The following RDX variants were observed in gnomAD, a reference collection of about 807,000 sequenced individuals.
The protein encoded by RDX is radixin, also known as deafness, autosomal recessive 24.
RDX carries 32 observed loss-of-function variants against 83.7 expected under a neutral mutation model. The ratio of observed to expected loss-of-function variants is 0.38; its 90% confidence interval spans 0.29 to 0.51. The LOEUF (loss-of-function observed/expected upper bound fraction) is 0.51, where lower values mean the gene tolerates loss of function less well. Among genes scored for constraint, RDX ranks in the 20% least tolerant of loss-of-function variants. The pLI, the probability that RDX is intolerant of heterozygous loss-of-function variation, is 0.87. For missense variants in RDX, 600 were observed against 689.9 expected (o/e 0.87, Z 1.46); for synonymous variants, 229 against 222.7 (o/e 1.03, Z -0.25).
chr11:110,203,793 A>C (rs1401492592), intron 14 of RDX, among the ~76,000 whole-genome samples: 2 of 152,164 alleles, frequency 1.3e-5, no homozygotes, highest in African/African-American at 2.4e-5. Flanking sequence ...GCGTTTAATA[A>C]ATTTAAAACC....
At chr11:110,259,728 A>C (rs945904841) in intron 5 of RDX, among the ~76,000 whole-genome samples, 1 of 152,196 alleles carries the variant, frequency 6.6e-6, no homozygotes, top group Non-Finnish European at 1.5e-5. Flanking sequence ...TCAGCCTTGG[A>C]GACATAACCC....
intron 10 of RDX, among the ~76,000 whole-genome samples, chr11:110,242,631 A>G (rs770905960): frequency 9.9e-5 from 15 of 152,178 alleles, no homozygotes; most frequent in Non-Finnish European, 2.1e-4. Flanking sequence ...TTGAAAAATG[A>G]CAGATAAGGC....
chr11:110,288,913 G>C (rs750156235), intron 1 of RDX, among the ~76,000 whole-genome samples: 4 of 152,100 alleles, frequency 2.6e-5, no homozygotes, highest in Non-Finnish European at 4.4e-5. Context: ...TCACTAAGAA[G>C]AGAGAACCAA....
chr11:110,235,415 T>C (rs1376398028), intron 12 of RDX, among the ~76,000 whole-genome samples: 2 of 152,182 alleles, frequency 1.3e-5, no homozygotes, highest in Non-Finnish European at 2.9e-5. Flanking sequence ...AAATGTCTCT[T>C]ATATCTTCCC....
intron 14 of RDX, among the ~76,000 whole-genome samples, chr11:110,218,477 A>G (rs1412311667): frequency 1.3e-5 from 2 of 152,138 alleles, no homozygotes; most frequent in East Asian, 1.9e-4. Flanking sequence ...AAGGTCCTAT[A>G]CTAAACCCAC....
chr11:110,281,835 G>C lies in RDX; in HGVS notation c.-64-2079C>G, dbSNP rs981422616. ...TTAAAACAGCCTCCAGGCCAGGCGC[G>C]ATAGCTCACGTGTGTAATTCCAGCA... On this transcript the variant is annotated intron_variant, in intron 1 of 13. Transcript: ENST00000645495. 2.7e-5 allele frequency among the ~76,000 whole-genome samples: 4 copies of C among 150,354 alleles called. No homozygotes were observed. The East Asian group carries it at 8.0e-4, about 30-fold the overall frequency.
chr11:110,273,296 C>T (rs1860375523), intron 2 of RDX, among the ~76,000 whole-genome samples: 1 of 152,186 alleles, frequency 6.6e-6, no homozygotes, highest in African/African-American at 2.4e-5. Context: ...ATTCACTATC[C>T]CATATTTCTT....
At position 110,202,202 on chromosome 11, in the gene RDX, CTGGCCAACA is replaced by C. The variant is rs1863434940; in HGVS notation, c.1749-2533_1749-2525del. Among the ~76,000 whole-genome samples the C allele has an allele frequency of 2.0e-5, 3 of 151,910 alleles. No homozygotes were observed. In the South Asian group the frequency reaches 6.2e-4, roughly 32 times the overall value. ...CTGAGGTCAGGAGTTTGAGACCAGC[CTGGCCAACA>C]TGGGGAAACGCCATCTCTACTAAAA... On this transcript the variant is annotated intron_variant, in intron 14 of 15. Coordinates refer to the RDX transcript ENST00000528498.
At chr11:110,243,575 G>A (rs575521464) in intron 10 of RDX, among the ~76,000 whole-genome samples, 6 of 152,020 alleles carry the variant, frequency 3.9e-5, no homozygotes, top group African/African-American at 4.8e-5. Flanking sequence ...AAAATTAGCC[G>A]AGCGTGGTGG....
intron 10 of RDX, among the ~76,000 whole-genome samples, chr11:110,242,997 G>A (rs1396137389): frequency 6.6e-6 from 1 of 152,044 alleles, no homozygotes; most frequent in Non-Finnish European, 1.5e-5. Flanking sequence ...CATGTGGTCT[G>A]TAAAGCATGA....
chr11:110,176,864 G>C (rs1862783883), intron 15 of RDX, among the ~76,000 whole-genome samples: 1 of 152,180 alleles, frequency 6.6e-6, no homozygotes, highest in Non-Finnish European at 1.5e-5. Flanking sequence ...TAGTTCATCT[G>C]AACAGGTAGC....
At chr11:110,178,310 C>G (rs1862816978) in intron 15 of RDX, among the ~76,000 whole-genome samples, 1 of 146,942 alleles carries the variant, frequency 6.8e-6, no homozygotes, top group African/African-American at 2.6e-5. Context: ...GTACTTTCCC[C>G]CTTTGCCCAA....
rs910154583 is a variant in RDX at position 110,218,361 on chromosome 11, A to AT, written c.1748+13511dup. On this transcript the variant is annotated intron_variant, in intron 14 of 15. Transcript: ENST00000528498. ...GTTTACATTTTAAACATCGTAATAG[A>AT]TTTTTTTCCCCATGTGGCACTGGTG... Among the ~76,000 whole-genome samples the AT allele has an allele frequency of 2.0e-5, 3 of 151,978 alleles. 1 individual carries two copies. The highest frequency in any genetic ancestry group is 2.0e-4 in the Admixed American group (3 of 15,266).
At chr11:110,293,865 G>C (rs921953580) in intron 1 of RDX, among the ~76,000 whole-genome samples, 2 of 152,028 alleles carry the variant, frequency 1.3e-5, no homozygotes, top group Non-Finnish European at 2.9e-5. Flanking sequence ...TTTAGACTTT[G>C]GCCTACAGGA....
Position 110,229,556 on chromosome 11 carries a change from T to C in RDX, c.*2313A>G, listed in dbSNP as rs778278496. On this transcript the variant is annotated 3_prime_UTR_variant, in exon 14 of 14. Coordinates refer to ENST00000645495, the MANE Select transcript of RDX (RefSeq NM_002906.4). Reference sequence around the variant, plus strand: ...AATTATGCTAATGGTAAAAGCCTACTGGGATTTACCAAATACTCATTAGTG... The same window carrying C: ...AATTATGCTAATGGTAAAAGCCTACCGGGATTTACCAAATACTCATTAGTG... 6.6e-6 allele frequency: 1 copy of C among 152,612 alleles called. No homozygotes were observed. The highest frequency in any genetic ancestry group is 6.5e-5 in the Admixed American group (1 of 15,288). The allele number at this position is 152,612 out of a possible 1,614,324, so 9.5% of individuals were successfully genotyped here.
At chr11:110,260,406 C>A (rs11600348) in intron 5 of RDX, among the ~76,000 whole-genome samples, 58,801 of 152,020 alleles carry the variant, frequency 0.39, 11,637 homozygotes, top group East Asian at 0.61. Context: ...TCAAAGTATT[C>A]TTTTACCTTG....
rs1483519462 is a variant in RDX at position 110,231,873 on chromosome 11, A to G, written c.1748T>C (p.Met583Thr). 2 of 1,612,466 alleles carry G rather than the reference A, an allele frequency of 1.2e-6. No individual in the cohort carries two copies. The highest frequency in any genetic ancestry group is 8.5e-7 in the Non-Finnish European group (1 of 1,179,962). The change falls in exon 14 of 14, where the codon ATG becomes ACG. Residue 583 changes from methionine to threonine, a missense_variant. Coordinates refer to ENST00000645495, the MANE Select transcript of RDX (RefSeq NM_002906.4). The part of the protein sequence containing the change: ...TKQRIDEFEA[M>T] ...ATATATGCAAAATAACAGCTCTCAC[A>G]TTGCTTCAAACTCATCGATACGCTG...
chr11:110,188,474 T>C (rs1205580206), intron 15 of RDX, among the ~76,000 whole-genome samples: 1 of 151,854 alleles, frequency 6.6e-6, no homozygotes, highest in East Asian at 1.9e-4. Context: ...CGCAAAGGCA[T>C]AAGAATGATA....
intron 1 of RDX, among the ~76,000 whole-genome samples, chr11:110,285,341 C>T (rs1019624652): frequency 9.9e-5 from 15 of 152,002 alleles, no homozygotes; most frequent in African/African-American, 3.4e-4. Flanking sequence ...GCCAAGATCG[C>T]GCCACTGCAC....
Sources: gnomAD v4.1 joint callset for allele counts (sites outside exome capture counted in the v4.1 genomes callset) on GRCh38, gnomAD v4.1.1 for gene constraint, MANE v1.5 for transcripts, NCBI Gene and HGNC (gene_info 2026-07-23, HGNC 2026-07-21) for gene names.